MDC1: variants seen among roughly 807,000 people sequenced by gnomAD.
MDC1 encodes the protein mediator of DNA damage checkpoint 1.
Under a neutral mutation model 142.5 loss-of-function variants are expected in MDC1, and 81 were observed. The ratio of observed to expected loss-of-function variants is 0.57; its 90% CI spans 0.47 to 0.68. MDC1 has a LOEUF of 0.68. Ranked by LOEUF, MDC1 falls within the 30% of genes least tolerant of loss-of-function variation. MDC1 has a pLI of 0.00. For missense variants in MDC1, 2,119 were observed against 2,547.9 expected (o/e 0.83, Z 3.62); for synonymous variants, 797 against 968.4 (o/e 0.82, Z 3.29).
rs773213534 is a variant in MDC1 at position 30,714,167 on chromosome 6, G to C, written c.153C>G (p.Leu51=). Residue 51 remains leucine (L), a synonymous_variant, in exon 3 of 15, where the codon CTC becomes CTG. Coordinates refer to ENST00000376406, the MANE Select transcript of MDC1 (RefSeq NM_014641.3). ...HGPEKDFPLH[L]GKNVVGRMPD... ...GCATTCGGCCTACCACATTCTTCCCGAGGTGTAGTGGGAAATCTAAGAATT... is the reference window on the plus strand; with the variant it reads ...GCATTCGGCCTACCACATTCTTCCCCAGGTGTAGTGGGAAATCTAAGAATT... 1.2e-6 allele frequency: 2 copies of C among 1,608,610 alleles called. No homozygotes were observed. The highest frequency in any genetic ancestry group is 2.7e-5 in the African/African-American group (2 of 74,888).
At position 30,712,053 on chromosome 6, in the gene MDC1, G is replaced by A. The variant is rs1201000083; in HGVS notation, c.1889C>T (p.Pro630Leu). The stretch of plus-strand genomic sequence containing the variant: ...GAGGTCCTGCTCCACTTGTGCCACA[G>A]GTGGCCCACCCTGGGCCCCCACCTC... Reference protein sequence around the residue: ...AHEVGAQGGPPVAQVEQDLPI... With the variant: ...AHEVGAQGGPLVAQVEQDLPI... Residue 630 changes from proline (P) to leucine (L), a missense_variant, in exon 5 of 15, where the codon CCT becomes CTT. Physicochemically the swap from Pro to Leu is moderately conservative, Grantham distance 98. Transcript: ENST00000376406. This position sits in a 1 kb window ranked among gnomAD's most constrained non-coding sequence, Gnocchi z 4.7. 6.3e-7 allele frequency: 1 copy of A among 1,589,550 alleles called. No individual in the cohort carries two copies. The highest frequency in any genetic ancestry group is 1.1e-5 in the South Asian group (1 of 87,218).
At position 30,713,846 on chromosome 6, in the gene MDC1, T is replaced by A; in HGVS notation, c.474A>T (p.Gln158His). ...EETPRVQGET[Q>H]PQRLLLAEDS... ...CCTCAGCCAACAGAAGCCTCTGGGG[T>A]TGAGTTTCTCCCTGTACTCTGGGTG... The change falls in exon 3 of 15, where the codon CAA becomes CAT. Residue 158 changes from glutamine to histidine, a missense_variant. Transcript: ENST00000376406. This position sits in a 1 kb window ranked among gnomAD's most constrained non-coding sequence, Gnocchi z 4.9. 6.2e-7 allele frequency: 1 copy of A among 1,614,082 alleles called. No individual in the cohort carries two copies. The highest frequency in any genetic ancestry group is 8.5e-7 in the Non-Finnish European group (1 of 1,180,022).
In MDC1 at chr6:30,714,060, G is replaced by A; in HGVS notation, c.260C>T (p.Pro87Leu). 1 of 1,612,954 alleles carries A rather than the reference G, an allele frequency of 6.2e-7. No homozygotes were observed. The highest frequency in any genetic ancestry group is 8.5e-7 in the Non-Finnish European group (1 of 1,180,014). Reference protein sequence around the residue: ...EIEILAWDKAPILRDCGSLNG... With the variant: ...EIEILAWDKALILRDCGSLNG... ...AAGGCTCCCACAGTCTCGGAGGATA[G>A]GTGCCTTGTCCCAGGCTAAGATTTC... Residue 87 changes from proline to leucine, a missense_variant, in exon 3 of 15, where the codon CCT becomes CTT. Physicochemically the swap from Pro to Leu is moderately conservative, Grantham distance 98. Transcript: ENST00000376406.
Position 30,713,720 on chromosome 6 carries a change from G to A in MDC1, c.518-3C>T. On this transcript the variant is annotated splice_region_variant and splice_polypyrimidine_tract_variant and intron_variant, in intron 3 of 14. Coordinates refer to ENST00000376406, the MANE Select transcript of MDC1 (RefSeq NM_014641.3). This position sits in a 1 kb window ranked among gnomAD's most constrained non-coding sequence, Gnocchi z 4.9. ...CATACGCCTTTCAGAAAGAAAATCT[G>A]TCAAGAACAGAAAGGAATGAGTTGA... The A allele has an allele frequency of 1.2e-6, 2 of 1,614,090 alleles. No homozygotes were observed. The highest frequency in any genetic ancestry group is 2.7e-5 in the African/African-American group (2 of 75,010).
Position 30,712,101 on chromosome 6 carries a change from A to G in MDC1, c.1841T>C (p.Val614Ala). Reference sequence around the variant, plus strand: ...CTCATGAGCTCTCTCCTGCTTAAGAACAGCTGCAGCCCACTCTGCCCCAGC... The same window carrying G: ...CTCATGAGCTCTCTCCTGCTTAAGAGCAGCTGCAGCCCACTCTGCCCCAGC... ...GDAGAEWAAA[V>A]LKQERAHEVG... is the part of the protein sequence containing the mutation. Residue 614 changes from valine (V) to alanine (A), a missense_variant, in exon 5 of 15, where the codon GTT becomes GCT. Transcript: ENST00000376406. This position sits in a 1 kb window ranked among gnomAD's most constrained non-coding sequence, Gnocchi z 4.7. The G allele has an allele frequency of 6.2e-7, 1 of 1,601,632 alleles. No individual in the cohort carries two copies. Among genetic ancestry groups the G allele is most frequent in the African/African-American group, 1.3e-5 (1 of 74,762 alleles).
Position 30,703,198 on chromosome 6 carries a change from G to T in MDC1, c.5771C>A (p.Ser1924Tyr), listed in dbSNP as rs1399427614. ...GSLAGSAAEA[S>Y]HLVTDRIRRT... Reference sequence around the variant, plus strand: ...GCGGATGCGATCAGTGACCAGGTGGGAAGCCTCTGCCGCTGAACCAGCCAG... The same window carrying T: ...GCGGATGCGATCAGTGACCAGGTGGTAAGCCTCTGCCGCTGAACCAGCCAG... Residue 1924 changes from serine to tyrosine, a missense_variant, in exon 12 of 15, where the codon TCC becomes TAC. Transcript: ENST00000376406. The surrounding 1 kb of genome is among the most constrained non-coding windows in gnomAD (Gnocchi z 4.4). 1.2e-6 allele frequency: 2 copies of T among 1,613,016 alleles called. No homozygotes were observed. Among genetic ancestry groups the T allele is most frequent in the Non-Finnish European group, 1.7e-6 (2 of 1,180,014 alleles).
chr6:30,703,110 C>T lies in MDC1; in HGVS notation c.5859G>A (p.Leu1953=), dbSNP rs996233394. The change falls in exon 12 of 15, where the codon CTG becomes CTA. Residue 1953 remains leucine, a synonymous_variant. Transcript: ENST00000376406. This position sits in a 1 kb window ranked among gnomAD's most constrained non-coding sequence, Gnocchi z 4.4. ...RGIPILSLDW[L]HQSRKAGFFL... is the part of the protein sequence containing the mutation. ...TCATCCCTTGGCCTCTCACCTGATG[C>T]AGCCAGTCCAGGGACAGAATGGGGA... 12 of 1,612,226 alleles carry T rather than the reference C, an allele frequency of 7.4e-6. No individual in the cohort carries two copies. The South Asian group carries it at 7.7e-5, about 10-fold the overall frequency.
Position 30,707,440 on chromosome 6 carries a change from T to G in MDC1, c.3028A>C (p.Lys1010Gln). 1 of 1,613,094 alleles carries G rather than the reference T, an allele frequency of 6.2e-7. No homozygotes were observed. Among genetic ancestry groups the G allele is most frequent in the Non-Finnish European group, 8.5e-7 (1 of 1,180,024 alleles). ...GAAGCCTTCTCAGCAGGTGGCATCT[T>G]GCAATTCAGGAGGCCTAGACAGAAA... The part of the protein sequence containing the change: ...RRHQKGLLNC[K>Q]MPPAEKASRI... Residue 1010 changes from lysine (K) to glutamine (Q), a missense_variant, in exon 9 of 15, where the codon AAG becomes CAG. Physicochemically the swap from Lys to Gln is moderately conservative, Grantham distance 53. Transcript: ENST00000376406.
At position 30,706,056 on chromosome 6, in the gene MDC1, G is replaced by A. The variant is rs1252888669; in HGVS notation, c.3127C>T (p.Pro1043Ser). ...SPDACLPPTV[P>S]EAPAPPQKPL... ...TTTTGGGGTGGGGCTGGGGCTTCAGGTACTGTAGGAGGCAGACAAGCATCT... is the reference window on the plus strand; with the variant it reads ...TTTTGGGGTGGGGCTGGGGCTTCAGATACTGTAGGAGGCAGACAAGCATCT... The change falls in exon 10 of 15, where the codon CCT becomes TCT. Residue 1043 changes from proline (P) to serine (S), a missense_variant. Transcript: ENST00000376406. The A allele has an allele frequency of 3.1e-6, 5 of 1,599,352 alleles. No homozygotes were observed. The highest frequency in any genetic ancestry group is 1.3e-5 in the African/African-American group (1 of 74,786).
chr6:30,708,482 TAATA>T, intron 7 of MDC1, 125 bp from the exon 8 acceptor site: 1 of 728,388 alleles, frequency 1.4e-6, no homozygotes, highest in East Asian at 2.7e-5. Flanking sequence ...AACTCATGAA[TAATA>T]AATCTGAACA....
Position 30,713,658 on chromosome 6 carries a change from C to T in MDC1, c.577G>A (p.Val193Ile), listed in dbSNP as rs757960444. Residue 193 changes from valine to isoleucine, a missense_variant, in exon 4 of 15, where the codon GTT becomes ATT. Coordinates refer to ENST00000376406, the MANE Select transcript of MDC1 (RefSeq NM_014641.3). This position sits in a 1 kb window ranked among gnomAD's most constrained non-coding sequence, Gnocchi z 4.9. ...CTCTTTGGCACTCACCTCTCTGGAA[C>T]TATCACAGAGGAAGATGTGGTCCTT... ...KSRTTSSSVIVPESDEEGHSP... is the reference protein window; with the variant it reads ...KSRTTSSSVIIPESDEEGHSP... 1 of 1,614,000 alleles carries T rather than the reference C, an allele frequency of 6.2e-7. No homozygotes were observed. The highest frequency in any genetic ancestry group is 1.3e-5 in the African/African-American group (1 of 74,946).
In MDC1 at chr6:30,711,933, G is replaced by T; in HGVS notation, c.2009C>A (p.Thr670Lys). The change falls in exon 5 of 15, where the codon ACA becomes AAA. Residue 670 changes from threonine (T) to lysine (K), a missense_variant. Thr to Lys is a moderately conservative substitution (Grantham distance 78). Coordinates refer to ENST00000376406, the MANE Select transcript of MDC1 (RefSeq NM_014641.3). Reference sequence around the variant, plus strand: ...CACATGTTGTTCTCTCTCCCTTCCTGTGGGGACCTGGGCTCCCTCTCTCTG... The same window carrying T: ...CACATGTTGTTCTCTCTCCCTTCCTTTGGGGACCTGGGCTCCCTCTCTCTG... ...QPQREGAQVP[T>K]GREREQHVGG... The T allele has an allele frequency of 6.5e-7, 1 of 1,549,460 alleles. No homozygotes were observed. Among genetic ancestry groups the T allele is most frequent in the Non-Finnish European group, 8.7e-7 (1 of 1,150,542 alleles).
chr6:30,705,156 T>G lies in MDC1; in HGVS notation c.4027A>C (p.Thr1343Pro). 6.2e-7 allele frequency: 1 copy of G among 1,605,614 alleles called. No homozygotes were observed. Among genetic ancestry groups the G allele is most frequent in the South Asian group, 1.1e-5 (1 of 90,326 alleles). Residue 1343 changes from threonine to proline, a missense_variant, in exon 10 of 15, where the codon ACC becomes CCC. Transcript: ENST00000376406. ...QISTSTDQPV[T>P]PKPTSRTTRS... ...GTGGTCCGAGATGTGGGCTTAGGGG[T>G]GACAGGTTGGTCTGTGGAGGTGGAA...
Position 30,713,404 on chromosome 6 carries a change from A to G in MDC1, c.588-50T>C, listed in dbSNP as rs768856275. The G allele has an allele frequency of 4.7e-6, 7 of 1,503,156 alleles. No homozygotes were observed. Among genetic ancestry groups the G allele is most frequent in the Non-Finnish European group, 6.2e-6 (7 of 1,130,724 alleles). 93.1% of individuals were successfully genotyped at this position (1,503,156 alleles called of 1,614,324 possible). On this transcript the variant is annotated intron_variant, in intron 4 of 14. Coordinates refer to ENST00000376406, the MANE Select transcript of MDC1 (RefSeq NM_014641.3). This position sits in a 1 kb window ranked among gnomAD's most constrained non-coding sequence, Gnocchi z 4.9. ...TATAGAATTTATTTCCCTGGAAGGG[A>G]TACCCCAACTCAACTGTGAGCTCCT... is the stretch of plus-strand genomic sequence containing the variant.
At chr6:30,710,003 CGAGT>C (rs1418491058) in intron 7 of MDC1, among the ~76,000 whole-genome samples, 2 of 151,956 alleles carry the variant, frequency 1.3e-5, no homozygotes, top group Non-Finnish European at 2.9e-5. Context: ...CTTAGCCTCC[CGAGT>C]AGCTAAGACT....
intron 7 of MDC1, among the ~76,000 whole-genome samples, chr6:30,708,980 A>AAAAGAAAGAAAGAAAGAAAGAAAG (rs140751169): frequency 6.6e-6 from 1 of 151,682 alleles, no homozygotes; most frequent in African/African-American, 2.4e-5. Flanking sequence ...CTGTCTCAAA[A>AAAAGAAAGAAAGAAAGAAAGAAAG]AAAGAAAGAA....
rs745844302 is a variant in MDC1, at chr6:30,711,479, A to G, written c.2154T>C (p.Pro718=). 6.2e-6 allele frequency: 10 copies of G among 1,613,126 alleles called. No individual in the cohort carries two copies. In the East Asian group the frequency reaches 2.2e-4, roughly 36 times the overall value. Residue 718 remains proline, a synonymous_variant, in exon 7 of 15, where the codon CCT becomes CCC. Coordinates refer to ENST00000376406, the MANE Select transcript of MDC1 (RefSeq NM_014641.3). The stretch of plus-strand genomic sequence containing the variant: ...GTGGAGTCAACATGAAGGCCTGGGT[A>G]GGTTCATCCTCCATGCTCTGGACTG... ...LEAVQSMEDE[P]TQAFMLTPPQ...
rs1054604945 is a variant in MDC1 at position 30,704,869 on chromosome 6, A to T, written c.4314T>A (p.Asn1438Lys). The change falls in exon 10 of 15, where the codon AAT becomes AAA. Residue 1438 changes from asparagine to lysine, a missense_variant. Physicochemically the swap from Asn to Lys is moderately conservative, Grantham distance 94. Coordinates refer to ENST00000376406, the MANE Select transcript of MDC1 (RefSeq NM_014641.3). ...PTSQATRGRTNRSSVKTPETV... is the reference protein window; with the variant it reads ...PTSQATRGRTKRSSVKTPETV... ...TTTCAGGGGTCTTCACAGAGGACCT[A>T]TTTGTCCTGCCCCTGGTGGCCTGAG... 6 of 1,603,566 alleles carry T rather than the reference A, an allele frequency of 3.7e-6. No homozygotes were observed. Among genetic ancestry groups the T allele is most frequent in the Non-Finnish European group, 4.3e-6 (5 of 1,175,674 alleles).
intron 7 of MDC1, 30 bp downstream of exon 7, chr6:30,711,382 G>A (rs1239949377): frequency 1.3e-6 from 2 of 1,571,152 alleles, no homozygotes; most frequent in Non-Finnish European, 1.8e-6. Flanking sequence ...GCAGAATTGG[G>A]GACACAGAGG....
Sources: allele counts gnomAD v4.1 joint callset (sites outside exome capture counted in the v4.1 genomes callset), GRCh38; gene constraint gnomAD v4.1.1; non-coding constraint Gnocchi (gnomAD v3.1); transcripts MANE v1.5; gene names NCBI Gene and HGNC (gene_info 2026-07-23, HGNC 2026-07-21).